The following NLGN4X variants were observed in gnomAD, a reference collection of about 807,000 sequenced individuals.
The protein encoded by NLGN4X is neuroligin 4 X-linked.
In NLGN4X, 3 loss-of-function variants were observed where a neutral mutation model predicts 40.3. The ratio of observed to expected loss-of-function variants is 0.07; its 90% CI spans 0.03 to 0.19. The LOEUF is 0.19. Ranked by LOEUF, NLGN4X falls within the 10% of genes least tolerant of loss-of-function variation. The pLI is 1.00. For missense variants in NLGN4X, 382 were observed against 708.3 expected, an observed-to-expected ratio of 0.54 and a Z score of 5.23; for synonymous variants, 270 against 306.8, an observed-to-expected ratio of 0.88 and a Z score of 1.25.
chrX:5,915,390 A>C lies in NLGN4X; in HGVS notation c.626-6151T>G, dbSNP rs140610024. On this transcript the variant is annotated intron_variant, in intron 3 of 5. Coordinates refer to ENST00000381095, the MANE Select transcript of NLGN4X (RefSeq NM_181332.3). The stretch of plus-strand genomic sequence containing the variant: ...AAATAAAAAAAAACTGAAATTGATC[A>C]TATTTTAGGAACAAAATATAAAATA... 6.9e-3 allele frequency among the ~76,000 whole-genome samples: 773 copies of C among 112,365 alleles called. 8 individuals carry two copies. The highest frequency in any genetic ancestry group is 0.024 in the African/African-American group (731 of 30,990).
intron 3 of NLGN4X, among the ~76,000 whole-genome samples, chrX:6,014,435 C>T (rs746702480): frequency 9.0e-6 from 1 of 111,600 alleles, no homozygotes; most frequent in Non-Finnish European, 1.9e-5. Flanking sequence ...GATAATAAAT[C>T]TGCATTGCTT....
chrX:6,172,080 G>A (rs746270959), intron 1 of NLGN4X, among the ~76,000 whole-genome samples: 1 of 111,742 alleles, frequency 8.9e-6, no homozygotes, highest in Admixed American at 9.5e-5. Flanking sequence ...CTTCCTGTAC[G>A]GCCTGCAGAA....
chrX:6,024,072 T>G (rs931426647), intron 3 of NLGN4X, among the ~76,000 whole-genome samples: 1 of 112,390 alleles, frequency 8.9e-6, no homozygotes. Flanking sequence ...AGAGTATTTA[T>G]TGATTCAGTA....
chrX:6,207,162 C>T (rs1924112714), intron 1 of NLGN4X, among the ~76,000 whole-genome samples: 1 of 111,440 alleles, frequency 9.0e-6, no homozygotes, highest in African/African-American at 3.3e-5. Flanking sequence ...TATCATCATA[C>T]AAAAATGACC....
chrX:6,114,488 C>T (rs150319947), intron 2 of NLGN4X, among the ~76,000 whole-genome samples: 251 of 106,747 alleles, frequency 2.4e-3, no homozygotes, highest in African/African-American at 8.3e-3. Flanking sequence ...AAAATAGTCT[C>T]TGCAAAGTCA....
At chrX:5,923,566 G>A (rs1422404491) in intron 3 of NLGN4X, among the ~76,000 whole-genome samples, 1 of 112,338 alleles carries the variant, frequency 8.9e-6, no homozygotes, top group Non-Finnish European at 1.9e-5. Flanking sequence ...TAAAAGGCAT[G>A]TCTCACATGG....
At chrX:5,925,883 T>TACAC (rs2033275332) in intron 3 of NLGN4X, among the ~76,000 whole-genome samples, 4 of 3,682 alleles carry the variant, frequency 1.1e-3, no homozygotes, top group South Asian at 0.013. Flanking sequence ...CATACACACA[T>TACAC]ATATATATAT....
intron 2 of NLGN4X, among the ~76,000 whole-genome samples, chrX:6,088,686 T>C (rs1033112193): frequency 8.9e-6 from 1 of 112,202 alleles, no homozygotes; most frequent in Admixed American, 9.5e-5. Context: ...GCTTTCTTCA[T>C]CCAAGTACCA....
At chrX:5,919,439 A>G (rs759441406) in intron 3 of NLGN4X, among the ~76,000 whole-genome samples, 2 of 111,877 alleles carry the variant, frequency 1.8e-5, no homozygotes, top group African/African-American at 6.5e-5. Flanking sequence ...TAGGATGTGA[A>G]CATATGTAGG....
intron 1 of NLGN4X, among the ~76,000 whole-genome samples, chrX:6,163,824 A>G (rs183778683): frequency 8.8e-6 from 1 of 113,105 alleles, no homozygotes; most frequent in East Asian, 2.8e-4. Flanking sequence ...CTAGACTATG[A>G]TAAGTATCTA....
At chrX:6,108,181 A>G (rs972052672) in intron 2 of NLGN4X, among the ~76,000 whole-genome samples, 5 of 112,131 alleles carry the variant, frequency 4.5e-5, no homozygotes, top group Non-Finnish European at 7.5e-5. Context: ...CTCAAAGTGA[A>G]TTGGCTTTTG....
intron 2 of NLGN4X, among the ~76,000 whole-genome samples, chrX:6,092,808 A>G (rs1441999329): frequency 8.9e-6 from 1 of 111,853 alleles, no homozygotes; most frequent in Non-Finnish European, 1.9e-5. Context: ...GACACAGAAG[A>G]AAAGACAATA....
intron 3 of NLGN4X, among the ~76,000 whole-genome samples, chrX:5,926,964 C>CTATG (rs1469433473): frequency 9.1e-6 from 1 of 109,548 alleles, no homozygotes; most frequent in Non-Finnish European, 1.9e-5. Context: ...ATCTATCTAT[C>CTATG]TATCTATCTA....
chrX:5,991,985 A>G (rs909097994), intron 3 of NLGN4X, among the ~76,000 whole-genome samples: 1 of 112,212 alleles, frequency 8.9e-6, no homozygotes, highest in African/African-American at 3.2e-5. Flanking sequence ...GAAGAATTCT[A>G]ATTTAGGCCT....
chrX:5,893,049 T>C lies in NLGN4X; in HGVS notation c.2219A>G (p.Asp740Gly). 8.3e-7 allele frequency: 1 copy of C among 1,211,272 alleles called. No individual in the cohort carries two copies. Residue 740 changes from aspartate to glycine, a missense_variant, in exon 6 of 6, where the codon GAT (aspartate) becomes GGT (glycine). Around this residue, in one of 5 missense-constraint regions of NLGN4X, gnomAD observed 149 missense variants for 375.8 expected, o/e 0.40. Transcript: ENST00000381095. ...MSLQMKQLEH[D>G]HECESLQAHD... ...TGCCTGCAGCGACTCACACTCGTGA[T>C]CGTGTTCCAGCTGCTTCATCTGCAG...
intron 3 of NLGN4X, among the ~76,000 whole-genome samples, chrX:6,020,017 GCTT>G (rs978902028): frequency 6.3e-5 from 7 of 111,941 alleles, no homozygotes; most frequent in Non-Finnish European, 1.3e-4. Flanking sequence ...TAAAATTTCA[GCTT>G]CTTTAAAGAA....
chrX:5,975,751 C>T (rs1197315336), intron 3 of NLGN4X, among the ~76,000 whole-genome samples: 2 of 110,213 alleles, frequency 1.8e-5, no homozygotes, highest in African/African-American at 6.6e-5. Context: ...TAAACCTAGT[C>T]TTATTAGAAA....
chrX:6,079,272 T>G (rs1464965803), intron 2 of NLGN4X, among the ~76,000 whole-genome samples: 1 of 112,178 alleles, frequency 8.9e-6, no homozygotes, highest in Non-Finnish European at 1.9e-5. Flanking sequence ...CATTAAAGAC[T>G]ACCAGCCCTA....
chrX:6,177,024 G>A (rs1256513536), intron 1 of NLGN4X, among the ~76,000 whole-genome samples: 2 of 112,121 alleles, frequency 1.8e-5, no homozygotes, highest in Admixed American at 1.9e-4. Flanking sequence ...TCTGAATTAA[G>A]GAAGCAAATT....
Sources: gnomAD v4.1 joint callset for allele counts (sites outside exome capture counted in the v4.1 genomes callset) on GRCh38, gnomAD v4.1.1 for gene constraint, gnomAD v4.1.1 regional missense constraint, MANE v1.5 for transcripts, NCBI Gene and HGNC (gene_info 2026-07-23, HGNC 2026-07-21) for gene names.